The following NR6A1 variants were observed in gnomAD, a reference collection of about 807,000 sequenced individuals.
NR6A1 encodes the protein nuclear receptor subfamily 6 group A member 1.
Under a neutral mutation model 59.1 loss-of-function variants are expected in NR6A1, and 7 were observed. That is an observed-to-expected ratio of 0.12 (90% CI 0.07 to 0.22). The LOEUF (loss-of-function observed/expected upper bound fraction) is 0.22, where lower values mean the gene tolerates loss of function less well. NR6A1 is among the 10% of genes least tolerant of loss of function. The pLI, the probability that NR6A1 is intolerant of heterozygous loss-of-function variation, is 1.00. For missense variants in NR6A1, 468 were observed against 611.6 expected, an observed-to-expected ratio of 0.77 and a Z score of 2.48; for synonymous variants, 243 against 236.1, an observed-to-expected ratio of 1.03 and a Z score of -0.27.
intron 9 of NR6A1, among the ~76,000 whole-genome samples, chr9:124,524,045 A>AACAT (rs995810387): frequency 6.6e-6 from 1 of 152,204 alleles, no homozygotes; most frequent in Admixed American, 6.5e-5. Context: ...ACCACATAGA[A>AACAT]ACATACATAC....
In NR6A1 at chr9:124,599,169, G is replaced by T. The variant is rs1247764156; in HGVS notation, c.143-44599C>A. ...TTAAAAAGTTCCTCTTTGGCCGGGG[G>T]CGGTGGCTCACTCCTGTAATCCCAG... On this transcript the variant is annotated intron_variant, in intron 2 of 9. Transcript: ENST00000487099. The T allele has an allele frequency of 2.8e-5, 16 of 568,942 alleles. No homozygotes were observed. The East Asian group carries it at 4.5e-4, about 16-fold the overall frequency. 35.2% of individuals were successfully genotyped at this position (568,942 alleles called of 1,614,324 possible).
At chr9:124,606,417 A>T (rs896565286) in intron 2 of NR6A1, among the ~76,000 whole-genome samples, 2 of 152,156 alleles carry the variant, frequency 1.3e-5, no homozygotes, top group African/African-American at 4.8e-5. Flanking sequence ...ATCACAGAAC[A>T]TAGCAAAAAT....
intron 2 of NR6A1, among the ~76,000 whole-genome samples, chr9:124,566,905 G>C (rs977242454): frequency 6.6e-6 from 1 of 152,140 alleles, no homozygotes; most frequent in African/African-American, 2.4e-5. Context: ...TCAGGAGATA[G>C]AGACCATCCC....
intron 2 of NR6A1, among the ~76,000 whole-genome samples, chr9:124,685,591 A>G (rs779350420): frequency 1.4e-4 from 22 of 152,172 alleles, no homozygotes; most frequent in Non-Finnish European, 2.9e-4. Context: ...TGGACTCCCA[A>G]AGTACTGAGA....
chr9:124,771,061 A>C lies in NR6A1; in HGVS notation c.59T>G (p.Phe20Cys). The change falls in exon 1 of 10, where the codon TTC becomes TGC. Residue 20 changes from phenylalanine to cysteine, a missense_variant. Phe to Cys is a radical substitution (Grantham distance 205). Coordinates refer to ENST00000487099, the MANE Select transcript of NR6A1 (RefSeq NM_033334.4). ...AGGGAGCGCGGCGGGAGGCTCCAGG[A>C]ACCCCGCCGAGCCCCCGCCGCCTCC... Reference protein sequence around the residue: ...GGGGGGGSAGFLEPPAALPPP... With the variant: ...GGGGGGGSAGCLEPPAALPPP... The C allele has an allele frequency of 3.3e-6, 4 of 1,230,176 alleles. No homozygotes were observed. The highest frequency in any genetic ancestry group is 4.1e-6 in the Non-Finnish European group (4 of 987,072). The allele number at this position is 1,230,176 out of a possible 1,614,324, so 76.2% of individuals were successfully genotyped here.
At chr9:124,632,045 C>G (rs552831068) in intron 2 of NR6A1, among the ~76,000 whole-genome samples, 1 of 152,142 alleles carries the variant, frequency 6.6e-6, no homozygotes, top group Non-Finnish European at 1.5e-5. Context: ...TGTATATGTA[C>G]ATTTTCTTTA....
intron 2 of NR6A1, among the ~76,000 whole-genome samples, chr9:124,646,331 G>C (rs560891909): frequency 4.4e-4 from 67 of 152,164 alleles, no homozygotes; most frequent in Non-Finnish European, 8.1e-4. Context: ...CTGGTTCTTT[G>C]AAAAGATCAA....
intron 2 of NR6A1, among the ~76,000 whole-genome samples, chr9:124,585,715 T>C: frequency 6.6e-6 from 1 of 152,126 alleles, no homozygotes; most frequent in East Asian, 1.9e-4. Flanking sequence ...CGGGCTTTCA[T>C]AGCTAGAGAG....
intron 1 of NR6A1, among the ~76,000 whole-genome samples, chr9:124,761,701 A>G (rs556812236): frequency 1.3e-5 from 2 of 152,360 alleles, no homozygotes; most frequent in East Asian, 3.9e-4. Flanking sequence ...TAAGCAAACT[A>G]TTCTTGATGG....
chr9:124,770,622 A>C (rs1254709037), intron 1 of NR6A1, among the ~76,000 whole-genome samples: 2 of 99,980 alleles, frequency 2.0e-5, no homozygotes. Context: ...TTCCAACCTG[A>C]GGAGCCCGGG....
chr9:124,589,595 CTT>C (rs1336675436), intron 2 of NR6A1, among the ~76,000 whole-genome samples: 1 of 152,250 alleles, frequency 6.6e-6, no homozygotes, highest in Non-Finnish European at 1.5e-5. Context: ...TTGCATTGCT[CTT>C]CTTTCCACAC....
At chr9:124,585,865 C>T (rs549441268) in intron 2 of NR6A1, among the ~76,000 whole-genome samples, 1 of 152,234 alleles carries the variant, frequency 6.6e-6, no homozygotes, top group South Asian at 2.1e-4. Flanking sequence ...ATCTACTCTA[C>T]CTGTGTTCTA....
intron 2 of NR6A1, among the ~76,000 whole-genome samples, chr9:124,688,771 T>C (rs1398791618): frequency 6.6e-6 from 1 of 152,204 alleles, no homozygotes; most frequent in African/African-American, 2.4e-5. Flanking sequence ...AGGTGATAAA[T>C]GAGTTCCTGG....
chr9:124,721,160 G>C (rs954741372), intron 2 of NR6A1, among the ~76,000 whole-genome samples: 3 of 152,124 alleles, frequency 2.0e-5, no homozygotes, highest in Admixed American at 1.3e-4. Flanking sequence ...TCACCCACCA[G>C]AGATAGTGGC....
At chr9:124,565,392 A>C (rs578194151) in intron 2 of NR6A1, among the ~76,000 whole-genome samples, 2 of 152,314 alleles carry the variant, frequency 1.3e-5, no homozygotes, top group African/African-American at 4.8e-5. Context: ...GTGCCACTGC[A>C]CTCCAGCCTG....
chr9:124,697,184 C>A (rs1838794084), intron 2 of NR6A1, among the ~76,000 whole-genome samples: 1 of 152,096 alleles, frequency 6.6e-6, no homozygotes, highest in African/African-American at 2.4e-5. Context: ...ACAAGGAATG[C>A]ACATTTATGA....
intron 2 of NR6A1, among the ~76,000 whole-genome samples, chr9:124,586,274 G>T (rs1386344214): frequency 6.6e-6 from 1 of 152,064 alleles, no homozygotes; most frequent in Admixed American, 6.6e-5. Context: ...CCTCATAGGA[G>T]GTCAAAATAT....
intron 2 of NR6A1, among the ~76,000 whole-genome samples, chr9:124,730,976 T>TTA (rs1175270799): frequency 6.6e-6 from 1 of 152,220 alleles, no homozygotes; most frequent in Non-Finnish European, 1.5e-5. Flanking sequence ...CACTCAGTGC[T>TTA]TAACAAACTG....
At chr9:124,768,110 T>C (rs558184107) in intron 1 of NR6A1, among the ~76,000 whole-genome samples, 3 of 150,682 alleles carry the variant, frequency 2.0e-5, no homozygotes, top group South Asian at 4.1e-4. Flanking sequence ...TCTGACAGAA[T>C]AAAAACCATT....
Sources: allele counts gnomAD v4.1 joint callset (sites outside exome capture counted in the v4.1 genomes callset), GRCh38; gene constraint gnomAD v4.1.1; transcripts MANE v1.5; gene names NCBI Gene and HGNC (gene_info 2026-07-23, HGNC 2026-07-21).